The following CHD6 variants were observed in gnomAD, a reference collection of about 807,000 sequenced individuals.
CHD6 encodes chromodomain helicase DNA binding protein 6.
A neutral mutation model predicts 276.9 loss-of-function variants in CHD6; 50 were observed. The observed-to-expected ratio is 0.18, with a 90% CI of 0.14 to 0.23. The LOEUF is 0.23. Among genes scored for constraint, CHD6 ranks in the 10% least tolerant of loss-of-function variants. The probability of loss-of-function intolerance (pLI) is 1.00; values close to 1 mark genes in which losing one functional copy is unlikely to be tolerated. For missense variants in CHD6, 2,564 were observed against 3,365.8 expected (o/e 0.76, Z 5.89); for synonymous variants, 1,173 against 1,229.3 (o/e 0.95, Z 0.96).
At chr20:41,497,541 T>C (rs780837622) in intron 7 of CHD6, 40 bp from the exon 8 acceptor site, 3 of 1,341,262 alleles carry the variant, frequency 2.2e-6, no homozygotes, top group East Asian at 2.3e-5. Flanking sequence ...AGCACATAAC[T>C]AGCAAATGAT....
At chr20:41,543,217 G>A (rs978627464) in intron 2 of CHD6, among the ~76,000 whole-genome samples, 2 of 152,080 alleles carry the variant, frequency 1.3e-5, no homozygotes, top group Admixed American at 6.6e-5. Context: ...TTAAGATAGA[G>A]GCATATTATG....
intron 1 of CHD6, among the ~76,000 whole-genome samples, chr20:41,569,608 T>C (rs1392760794): frequency 4.6e-5 from 7 of 152,200 alleles, no homozygotes; most frequent in African/African-American, 1.4e-4. Context: ...GTAACCATTT[T>C]ATAACATAAA....
At chr20:41,574,142 TG>T (rs1384228395) in intron 1 of CHD6, among the ~76,000 whole-genome samples, 1 of 7,704 alleles carries the variant, frequency 1.3e-4, no homozygotes, top group Admixed American at 1.6e-3. Context: ...GGAAGGGAAG[TG>T]GGGGTGGGGG....
chr20:41,408,561 A>C (rs2046749714), intron 36 of CHD6, among the ~76,000 whole-genome samples: 1 of 152,204 alleles, frequency 6.6e-6, no homozygotes, highest in Non-Finnish European at 1.5e-5. Flanking sequence ...TACACAGCAC[A>C]GTCTCAGTCC....
At chr20:41,483,163 G>A (rs2043333474) in intron 16 of CHD6, 146 bp downstream of exon 16, 1 of 709,288 alleles carries the variant, frequency 1.4e-6, no homozygotes, top group Admixed American at 3.4e-5. Flanking sequence ...ATTTAACTCT[G>A]AATTTCAGTC....
At chr20:41,570,720 T>C (rs1370261724) in intron 1 of CHD6, among the ~76,000 whole-genome samples, 1 of 152,236 alleles carries the variant, frequency 6.6e-6, no homozygotes, top group Non-Finnish European at 1.5e-5. Flanking sequence ...CTGGGAGATA[T>C]CAAGCTCTGT....
chr20:41,550,564 C>T (rs546301069), intron 2 of CHD6, among the ~76,000 whole-genome samples: 1 of 152,198 alleles, frequency 6.6e-6, no homozygotes, highest in South Asian at 2.1e-4. Context: ...GCTAGTCTCA[C>T]CCAACCTCTT....
intron 27 of CHD6, among the ~76,000 whole-genome samples, chr20:41,433,020 G>A (rs1485333122): frequency 1.3e-5 from 2 of 151,460 alleles, no homozygotes; most frequent in South Asian, 2.1e-4. Flanking sequence ...CAGAATGGTG[G>A]AGGAAAATAA....
At chr20:41,534,399 G>A (rs1045301944) in intron 2 of CHD6, among the ~76,000 whole-genome samples, 1 of 152,220 alleles carries the variant, frequency 6.6e-6, no homozygotes, top group Non-Finnish European at 1.5e-5. Flanking sequence ...TTTCCCTTCA[G>A]TATGCTGGTT....
intron 5 of CHD6, among the ~76,000 whole-genome samples, chr20:41,503,633 C>CT (rs1243838782): frequency 5.3e-5 from 8 of 152,058 alleles, no homozygotes; most frequent in Admixed American, 5.2e-4. Context: ...GTATGGTTTT[C>CT]TTTTTTGCAT....
chr20:41,546,807 T>C (rs534039075), intron 2 of CHD6, among the ~76,000 whole-genome samples: 1 of 152,378 alleles, frequency 6.6e-6, no homozygotes, highest in South Asian at 2.1e-4. Context: ...TAAAAGTCTA[T>C]AGCTCTCCTG....
chr20:41,426,240 T>C, intron 27 of CHD6, 87 bp from the exon 28 acceptor site: 1 of 939,694 alleles, frequency 1.1e-6, no homozygotes, highest in Non-Finnish European at 1.8e-6. Context: ...AGAGTAAGCA[T>C]CACGCATAAG....
chr20:41,595,415 A>G (rs1030216107), intron 1 of CHD6, among the ~76,000 whole-genome samples: 2 of 152,132 alleles, frequency 1.3e-5, no homozygotes, highest in Non-Finnish European at 2.9e-5. Flanking sequence ...ATACCAACCC[A>G]CCAATGCTAA....
At position 41,415,926 on chromosome 20, in the gene CHD6, C is replaced by T. The variant is rs2046981680; in HGVS notation, c.6487-288G>A. Among the ~76,000 whole-genome samples the T allele has an allele frequency of 2.6e-5, 4 of 152,158 alleles. No homozygotes were observed. In the South Asian group the frequency reaches 6.2e-4, roughly 24 times the overall value. On this transcript the variant is annotated intron_variant, in intron 33 of 36. Coordinates refer to ENST00000373233, the MANE Select transcript of CHD6 (RefSeq NM_032221.5). Reference sequence around the variant, plus strand: ...CATTTGGTGTTGCAAGATGATAACTCAGAAATGCTCAACCTCACCTGTGCA... The same window carrying T: ...CATTTGGTGTTGCAAGATGATAACTTAGAAATGCTCAACCTCACCTGTGCA...
intron 1 of CHD6, among the ~76,000 whole-genome samples, chr20:41,610,190 G>A (rs953656983): frequency 2.6e-5 from 4 of 151,960 alleles, no homozygotes; most frequent in African/African-American, 9.7e-5. Flanking sequence ...CCTCCTTCTT[G>A]TCAATCACAA....
intron 3 of CHD6, among the ~76,000 whole-genome samples, chr20:41,519,209 G>A (rs2044325568): frequency 6.6e-6 from 1 of 152,212 alleles, no homozygotes; most frequent in Non-Finnish European, 1.5e-5. Flanking sequence ...TTTGAGCCTG[G>A]AAGGCAGAGG....
intron 23 of CHD6, 137 bp from the exon 24 acceptor site, chr20:41,448,108 AG>A (rs901683070): frequency 1.0e-5 from 5 of 488,254 alleles, no homozygotes; most frequent in African/African-American, 8.0e-5. Flanking sequence ...AGAAGGCACT[AG>A]AAAAACAAAA....
rs373045335 is a variant in CHD6, at chr20:41,518,688, C to T, written c.555-3736G>A. Reference sequence around the variant, plus strand: ...GGAGGTTACCTTTGGCAAGACAAGCCATTTTAAGTTCCAAAAATTCTTTCT... The same window carrying T: ...GGAGGTTACCTTTGGCAAGACAAGCTATTTTAAGTTCCAAAAATTCTTTCT... On this transcript the variant is annotated intron_variant, in intron 3 of 36. Coordinates refer to ENST00000373233, the MANE Select transcript of CHD6 (RefSeq NM_032221.5). Among the ~76,000 whole-genome samples, 126 of 152,254 alleles carry T rather than the reference C, an allele frequency of 8.3e-4. 1 individual carries two copies. The highest frequency in any genetic ancestry group is 2.9e-3 in the African/African-American group (121 of 41,570).
intron 3 of CHD6, among the ~76,000 whole-genome samples, chr20:41,527,273 C>A (rs2044563403): frequency 6.6e-6 from 1 of 152,110 alleles, no homozygotes; most frequent in Admixed American, 6.5e-5. Context: ...CCCGTCTCTA[C>A]TAAAAATACA....
Sources: allele counts gnomAD v4.1 joint callset (sites outside exome capture counted in the v4.1 genomes callset), GRCh38; gene constraint gnomAD v4.1.1; transcripts MANE v1.5; gene names NCBI Gene and HGNC (gene_info 2026-07-23, HGNC 2026-07-21).